The following ZNF500 variants were observed in gnomAD, a reference collection of about 807,000 sequenced individuals.
ZNF500 encodes zinc finger protein with KRAB and SCAN domains 18.
In ZNF500, 31 loss-of-function variants were observed where a neutral mutation model predicts 30.1. The ratio of observed to expected loss-of-function variants is 1.03; its 90% CI spans 0.77 to 1.39. The LOEUF (loss-of-function observed/expected upper bound fraction) is 1.39. ZNF500 is among the 40% of genes most tolerant of loss of function. ZNF500 has a pLI of 0.00. For missense variants in ZNF500, 817 were observed against 657.8 expected (o/e 1.24, Z -2.65); for synonymous variants, 392 against 282.0 (o/e 1.39, Z -3.91).
rs11866066 is a variant in ZNF500 at position 4,762,425 on chromosome 16, G to A, written c.599-90C>T. 8.8e-3 allele frequency: 13,336 copies of A among 1,523,224 alleles called. 957 individuals are homozygous for A. In the African/African-American group the frequency reaches 0.16, roughly 18 times the overall value. The allele number at this position is 1,523,224 out of a possible 1,614,324, so 94.4% of individuals were successfully genotyped here. ...CACACCAAGGCCCCAACAGCCCGGC[G>A]GCTGCCCACCCAAGATCCACTCCTT... On this transcript the variant is annotated intron_variant, in intron 3 of 5. Transcript: ENST00000219478.
chr16:4,751,803 G>C lies in ZNF500; in HGVS notation c.*573C>G, dbSNP rs182215592. 5.7e-5 allele frequency: 39 copies of C among 684,302 alleles called. No individual in the cohort carries two copies. In the Admixed American group the frequency reaches 7.5e-4, roughly 13 times the overall value. The allele number at this position is 684,302 out of a possible 1,614,324, so 42.4% of individuals were successfully genotyped here. ...CACACCTGTAACCCCAGCTACTCAG[G>C]AGGATGAGGCAGGAGGAACACTTGA... On this transcript the variant is annotated 3_prime_UTR_variant, in exon 6 of 6. Coordinates refer to ENST00000219478, the MANE Select transcript of ZNF500 (RefSeq NM_021646.4).
In ZNF500 at chr16:4,763,859, G is replaced by C. The variant is rs2082234435; in HGVS notation, c.415-1103C>G. ...ACGCCGTGGTCAAGCATTAGGGGAT[G>C]TGCCTCCTCTGTTGGCTGCAAAAGG... On this transcript the variant is annotated intron_variant, in intron 2 of 5. Transcript: ENST00000219478. The C allele has an allele frequency of 3.0e-6, 3 of 985,458 alleles. No homozygotes were observed. The South Asian group carries it at 1.4e-4, about 46-fold the overall frequency. The allele number at this position is 985,458 out of a possible 1,614,324, so 61.0% of individuals were successfully genotyped here. A position where few individuals can be genotyped will look rare whatever the true frequency, so the allele number is the denominator to read the frequency against.
At chr16:4,760,884 A>T (rs2082191054) in intron 4 of ZNF500, among the ~76,000 whole-genome samples, 1 of 152,130 alleles carries the variant, frequency 6.6e-6, no homozygotes, top group Admixed American at 6.6e-5. Context: ...ACAGGGAGAC[A>T]AGAGCATCCC....
chr16:4,757,898 G>GC (rs1461683389), intron 5 of ZNF500, among the ~76,000 whole-genome samples: 4 of 115,250 alleles, frequency 3.5e-5, no homozygotes, highest in Non-Finnish European at 5.6e-5. Flanking sequence ...CACCGCGCCA[G>GC]CCAATTTTTT....
At chr16:4,765,205 G>A (rs867495302) in intron 2 of ZNF500, among the ~76,000 whole-genome samples, 2 of 152,138 alleles carry the variant, frequency 1.3e-5, no homozygotes, top group Non-Finnish European at 2.9e-5. Context: ...ATAGGCTGAG[G>A]TGGGAGGATT....
intron 2 of ZNF500, 46 bp downstream of exon 2, chr16:4,765,519 G>T (rs1195032531): frequency 6.5e-7 from 1 of 1,539,530 alleles, no homozygotes; most frequent in South Asian, 1.3e-5. Flanking sequence ...GACCCCAGCA[G>T]CAGGGCCCCA....
chr16:4,747,480 C>T (rs772381788), downstream of ZNF500: 1 of 1,613,176 alleles, frequency 6.2e-7, no homozygotes, highest in Non-Finnish European at 8.5e-7. Flanking sequence ...GGATCACGAA[C>T]TGGGAGGAAG....
intron 4 of ZNF500, among the ~76,000 whole-genome samples, chr16:4,761,344 G>A (rs567724392): frequency 2.0e-5 from 3 of 151,982 alleles, no homozygotes; most frequent in East Asian, 1.9e-4. Context: ...GGAGGCTGAC[G>A]CAGGAAAATC....
chr16:4,744,813 G>C (rs1024259269), downstream of ZNF500: 20 of 1,563,390 alleles, frequency 1.3e-5, no homozygotes, highest in Non-Finnish European at 1.7e-5. Flanking sequence ...TCCAGCTGCT[G>C]TAAGTCACAA....
chr16:4,765,569 T>TG lies in ZNF500; in HGVS notation c.409dup (p.Gln137ProfsTer9), dbSNP rs1227494312. 6.3e-7 allele frequency: 1 copy of TG among 1,592,818 alleles called. No homozygotes were observed. Among genetic ancestry groups the TG allele is most frequent in the African/African-American group, 1.3e-5 (1 of 74,476 alleles). On this transcript the variant is annotated frameshift_variant, in exon 2 of 6. Transcript: ENST00000219478. LOFTEE classifies it high-confidence loss of function. ...GGTCAAAATGCCCCCACTCACCCGC[T>TG]GCCTGTGTTTCCTGGGCTTCCGCTG...
At chr16:4,746,828 C>A, downstream of ZNF500, 1 of 1,153,476 alleles carries the variant, frequency 8.7e-7, no homozygotes, top group Non-Finnish European at 1.2e-6. Flanking sequence ...TGACCTCTTG[C>A]ATTGGGTCAC....
chr16:4,755,105 G>A (rs1343965198), intron 5 of ZNF500, among the ~76,000 whole-genome samples: 1 of 152,132 alleles, frequency 6.6e-6, no homozygotes, highest in Admixed American at 6.5e-5. Flanking sequence ...TTTCTGTACA[G>A]CCAATTAAAC....
At chr16:4,764,416 C>T (rs982390269) in intron 2 of ZNF500, among the ~76,000 whole-genome samples, 7 of 152,224 alleles carry the variant, frequency 4.6e-5, no homozygotes, top group Admixed American at 6.5e-5. Context: ...ATGCCAGCTA[C>T]TTGGGAGGCT....
downstream of ZNF500, chr16:4,746,742 C>G (rs367553353): frequency 2.7e-6 from 2 of 751,616 alleles, no homozygotes; most frequent in Non-Finnish European, 4.2e-6. Context: ...GAGCCCAACA[C>G]GTCTAGGCTG....
At chr16:4,746,972 G>A, downstream of ZNF500, 5 of 1,555,082 alleles carry the variant, frequency 3.2e-6, no homozygotes, top group Middle Eastern at 1.7e-4. Context: ...AGGAGGAAGA[G>A]ATGGCAGCTC....
chr16:4,744,903 T>C, downstream of ZNF500: 1 of 1,613,846 alleles, frequency 6.2e-7, no homozygotes, highest in East Asian at 2.2e-5. Context: ...AACAGGCTCA[T>C]GGAACAGCTG....
rs138947513 is a variant in ZNF500 at position 4,752,640 on chromosome 16, G to A, written c.1179C>T (p.Ser393=). ...CPECGKRFSQ[S]SSLVIHRRTH... ...TCCTGCGGTGGATGACCAGGCTGGAGCTCTGGCTGAAGCGCTTCCCACACT... is the reference window on the plus strand; with the variant it reads ...TCCTGCGGTGGATGACCAGGCTGGAACTCTGGCTGAAGCGCTTCCCACACT... Residue 393 remains serine (S), a synonymous_variant, in exon 6 of 6, where the codon AGC becomes AGT. Coordinates refer to ENST00000219478, the MANE Select transcript of ZNF500 (RefSeq NM_021646.4). 14 of 1,611,732 alleles carry A rather than the reference G, an allele frequency of 8.7e-6. No homozygotes were observed. In the African/African-American group the frequency reaches 1.7e-4, roughly 20 times the overall value.
chr16:4,759,766 G>A (rs2082176803), intron 5 of ZNF500, among the ~76,000 whole-genome samples: 1 of 152,084 alleles, frequency 6.6e-6, no homozygotes, highest in African/African-American at 2.4e-5. Flanking sequence ...GCCACGCACG[G>A]TGGCTCACAC....
intron 1 of ZNF500, among the ~76,000 whole-genome samples, chr16:4,766,384 G>A (rs960506104): frequency 3.3e-5 from 5 of 152,184 alleles, no homozygotes; most frequent in African/African-American, 9.7e-5. Flanking sequence ...CGCACTTTGG[G>A]AGGCAGAGGA....
Sources: allele counts gnomAD v4.1 joint callset (sites outside exome capture counted in the v4.1 genomes callset), GRCh38; gene constraint gnomAD v4.1.1; transcripts MANE v1.5; gene names NCBI Gene and HGNC (gene_info 2026-07-23, HGNC 2026-07-21).